ZNF106: variants seen among roughly 807,000 people sequenced by gnomAD.
ZNF106 encodes the protein SH3-domain binding protein 3.
Under a neutral mutation model 195.1 loss-of-function variants are expected in ZNF106, and 67 were observed. The observed-to-expected ratio is 0.34, with a 90% CI of 0.28 to 0.42. The LOEUF is 0.42. Among genes scored for constraint, ZNF106 ranks in the 10% least tolerant of loss-of-function variants. ZNF106 has a pLI of 1.00. For missense variants in ZNF106, 2,118 were observed against 2,304.5 expected (o/e 0.92, Z 1.66); for synonymous variants, 784 against 818.6 (o/e 0.96, Z 0.72).
intron 2 of ZNF106, among the ~76,000 whole-genome samples, chr15:42,466,785 G>T (rs1037582366): frequency 3.9e-5 from 6 of 152,128 alleles, no homozygotes; most frequent in Admixed American, 3.9e-4. Flanking sequence ...TTTATAGTAG[G>T]TTCCCTTCTT....
chr15:42,483,158 A>G (rs537740050), intron 1 of ZNF106, among the ~76,000 whole-genome samples: 2 of 150,182 alleles, frequency 1.3e-5, no homozygotes, highest in South Asian at 4.3e-4. Flanking sequence ...ACTCCCCGCT[A>G]GAATCTGCCT....
chr15:42,424,666 G>A (rs2054788571), intron 16 of ZNF106, 168 bp downstream of exon 16: 1 of 624,192 alleles, frequency 1.6e-6, no homozygotes, highest in Non-Finnish European at 2.7e-6. Context: ...TTTTTGTAGA[G>A]ATCGAGTTTT....
Position 42,424,879 on chromosome 15 carries a change from G to A in ZNF106, c.5145C>T (p.Leu1715=). The A allele has an allele frequency of 6.2e-7, 1 of 1,614,138 alleles. No individual in the cohort carries two copies. Among genetic ancestry groups the A allele is most frequent in the Non-Finnish European group, 8.5e-7 (1 of 1,180,030 alleles). Residue 1715 remains leucine, a synonymous_variant, in exon 16 of 22, where the codon CTC becomes CTT. Coordinates refer to ENST00000564754, the MANE Select transcript of ZNF106 (RefSeq NM_001366845.3). ...TGCTATGGCCCTCCAGAGTTCTGAG[G>A]AGCAGTCCATTCCGGGCATCGCGTA... The part of the protein sequence containing the change: ...ISVRDARNGL[L]LRTLEGHSKT...
At chr15:42,423,531 A>G (rs991975260) in intron 17 of ZNF106, among the ~76,000 whole-genome samples, 1 of 152,032 alleles carries the variant, frequency 6.6e-6, no homozygotes, top group South Asian at 2.1e-4. Flanking sequence ...ACGCACTGCC[A>G]TGCCCAGCTA....
In ZNF106 at chr15:42,451,509, T is replaced by A; in HGVS notation, c.763A>T (p.Thr255Ser). 1 of 1,614,256 alleles carries A rather than the reference T, an allele frequency of 6.2e-7. No individual in the cohort carries two copies. Among genetic ancestry groups the A allele is most frequent in the Non-Finnish European group, 8.5e-7 (1 of 1,180,036 alleles). ...GGGCCACTGTAATTCCAATTATTTG[T>A]ACTACGTACACTGGATTTCCAGTTT... ...NGNWKSSVRS[T>S]NNWNYSGPGD... Residue 255 changes from threonine (T) to serine (S), a missense_variant, in exon 5 of 22, where the codon ACA becomes TCA. Physicochemically the swap from Thr to Ser is moderately conservative, Grantham distance 58 (BLOSUM62 1). Transcript: ENST00000564754.
chr15:42,461,042 A>G (rs1440663060), intron 3 of ZNF106, among the ~76,000 whole-genome samples: 1 of 152,108 alleles, frequency 6.6e-6, no homozygotes, highest in Non-Finnish European at 1.5e-5. Flanking sequence ...GGTTACCTCC[A>G]CACACATCTG....
At chr15:42,426,171 TTG>T (rs1450888830) in intron 15 of ZNF106, among the ~76,000 whole-genome samples, 2 of 152,174 alleles carry the variant, frequency 1.3e-5, no homozygotes, top group Non-Finnish European at 2.9e-5. Context: ...TGGCTCTCTG[TTG>T]TGACTCCAGA....
chr15:42,422,235 G>T (rs1003185182), intron 18 of ZNF106, among the ~76,000 whole-genome samples: 2 of 152,038 alleles, frequency 1.3e-5, no homozygotes, highest in African/African-American at 4.8e-5. Context: ...ACTTGAAACT[G>T]CACACAAGGA....
intron 17 of ZNF106, among the ~76,000 whole-genome samples, 168 bp from the exon 18 acceptor site, chr15:42,422,788 A>C (rs2054716974): frequency 6.6e-6 from 1 of 150,920 alleles, no homozygotes; most frequent in African/African-American, 2.4e-5. Context: ...TATTAACTTT[A>C]ATAGCAGAAG....
chr15:42,472,227 C>A lies in ZNF106; in HGVS notation c.54+9G>T, dbSNP rs554556621. ...ATAAAGCCTCAGATTCTCCCTCTTC[C>A]ATTATTACCTTTTTTGAGCTGTACA... On this transcript the variant is annotated intron_variant, in intron 2 of 21. Transcript: ENST00000564754. 3 of 1,534,066 alleles carry A rather than the reference C, an allele frequency of 2.0e-6. No homozygotes were observed. The African/African-American group carries it at 4.1e-5, about 21-fold the overall frequency.
chr15:42,461,332 A>G (rs1010531210), intron 3 of ZNF106, among the ~76,000 whole-genome samples: 2 of 152,268 alleles, frequency 1.3e-5, no homozygotes, highest in Admixed American at 6.5e-5. Flanking sequence ...GGAAATGTAC[A>G]GCTTTGCTCC....
At position 42,451,324 on chromosome 15, in the gene ZNF106, T is replaced by C. The variant is rs1362491390; in HGVS notation, c.948A>G (p.Thr316=). The part of the protein sequence containing the change: ...QENDKLGTVA[T]YRGPSEGFTS... The stretch of plus-strand genomic sequence containing the variant: ...TAAATCCTTCAGAAGGACCTCTATA[T>C]GTGGCAACTGTACCAAGTTTGTCAT... Residue 316 remains threonine (T), a synonymous_variant, in exon 5 of 22, where the codon ACA becomes ACG. Transcript: ENST00000564754. 1.2e-6 allele frequency: 2 copies of C among 1,614,072 alleles called. No individual in the cohort carries two copies. Among genetic ancestry groups the C allele is most frequent in the East Asian group, 2.2e-5 (1 of 44,886 alleles).
intron 2 of ZNF106, among the ~76,000 whole-genome samples, chr15:42,467,650 A>C (rs2056551500): frequency 6.6e-6 from 1 of 151,888 alleles, no homozygotes; most frequent in Non-Finnish European, 1.5e-5. Context: ...CAAAAAAAAA[A>C]ACCAAACCAC....
intron 3 of ZNF106, among the ~76,000 whole-genome samples, chr15:42,463,592 C>T (rs2056444937): frequency 1.3e-5 from 2 of 151,794 alleles, no homozygotes; most frequent in Admixed American, 1.3e-4. Context: ...AAAATAAAGG[C>T]CAAATGAAAG....
At chr15:42,452,987 C>A (rs931809806) in intron 4 of ZNF106, among the ~76,000 whole-genome samples, 1 of 152,126 alleles carries the variant, frequency 6.6e-6, no homozygotes, top group Non-Finnish European at 1.5e-5. Flanking sequence ...AGCCACTGCG[C>A]CCGGCCTAGT....
At chr15:42,438,938 G>T (rs1165837078) in intron 11 of ZNF106, 95 bp downstream of exon 11, 45 of 1,439,424 alleles carry the variant, frequency 3.1e-5, no homozygotes, top group East Asian at 9.3e-5. Context: ...ATAAAGTTTG[G>T]TTTTTAAAGA....
In ZNF106 at chr15:42,413,515, C is replaced by T. The variant is rs28364555; in HGVS notation, c.*3789G>A. ...TGTTCAAATCCCACTTCACAATATA[C>T]TTCAATCTCACCTCCAATGAATTCT... On this transcript the variant is annotated 3_prime_UTR_variant, in exon 22 of 22. Coordinates refer to ENST00000564754, the MANE Select transcript of ZNF106 (RefSeq NM_001366845.3). The T allele has an allele frequency of 6.4e-3, 972 of 152,650 alleles. 5 individuals are homozygous for T. The highest frequency in any genetic ancestry group is 9.5e-3 in the Non-Finnish European group (644 of 68,008). The allele number at this position is 152,650 out of a possible 1,614,324, so 9.5% of individuals were successfully genotyped here. A position where few individuals can be genotyped will look rare whatever the true frequency, so the allele number is the denominator to read the frequency against.
intron 1 of ZNF106, among the ~76,000 whole-genome samples, chr15:42,487,949 T>C (rs1456412427): frequency 6.6e-6 from 1 of 152,166 alleles, no homozygotes; most frequent in African/African-American, 2.4e-5. Context: ...CTGAGAATGT[T>C]AAAGACCCTT....
At chr15:42,417,655 T>A in intron 21 of ZNF106, 150 bp downstream of exon 21, 2 of 962,410 alleles carry the variant, frequency 2.1e-6, no homozygotes, top group South Asian at 4.1e-5. Context: ...GCAACTTCAT[T>A]AAGCTACCCC....
Sources: allele counts gnomAD v4.1 joint callset (sites outside exome capture counted in the v4.1 genomes callset), GRCh38; gene constraint gnomAD v4.1.1; transcripts MANE v1.5; gene names NCBI Gene and HGNC (gene_info 2026-07-23, HGNC 2026-07-21).